Variants in CYYR1 observed in about 807,000 individuals in gnomAD.
CYYR1 encodes cysteine and tyrosine rich 1.
Under a neutral mutation model 15.2 loss-of-function variants are expected in CYYR1, and 14 were observed. The observed-to-expected ratio is 0.92, with a 90% CI of 0.61 to 1.44. CYYR1 has a LOEUF of 1.44. Ranked by LOEUF, CYYR1 falls within the 40% of genes most tolerant of loss-of-function variation. The pLI, the probability that CYYR1 is intolerant of heterozygous loss-of-function variation, is 0.00. For missense variants in CYYR1, 228 were observed against 209.5 expected, an observed-to-expected ratio of 1.09 and a Z score of -0.54; for synonymous variants, 80 against 77.4, an observed-to-expected ratio of 1.03 and a Z score of -0.18.
chr21:26,536,311 T>C (rs1978301229), intron 2 of CYYR1, among the ~76,000 whole-genome samples: 1 of 152,160 alleles, frequency 6.6e-6, no homozygotes, highest in Non-Finnish European at 1.5e-5. Flanking sequence ...TAACTTACTG[T>C]TGAAAGCTAC....
chr21:26,495,616 G>A (rs1243412824), intron 2 of CYYR1, among the ~76,000 whole-genome samples: 9 of 152,168 alleles, frequency 5.9e-5, no homozygotes, highest in Non-Finnish European at 1.3e-4. Flanking sequence ...GGGAGCAAAG[G>A]ATCCTGGGAG....
chr21:26,521,463 T>C (rs996912508), intron 2 of CYYR1, among the ~76,000 whole-genome samples: 1 of 152,270 alleles, frequency 6.6e-6, no homozygotes, highest in Non-Finnish European at 1.5e-5. Context: ...ATAGGTGGTA[T>C]GCTGAATGGA....
chr21:26,572,353 C>T (rs1981059195), intron 1 of CYYR1, among the ~76,000 whole-genome samples: 1 of 152,204 alleles, frequency 6.6e-6, no homozygotes, highest in Admixed American at 6.5e-5. Context: ...TCTAAATCAA[C>T]GAACCTGTAC....
At chr21:26,556,810 G>A (rs749910864) in intron 2 of CYYR1, among the ~76,000 whole-genome samples, 1 of 152,098 alleles carries the variant, frequency 6.6e-6, no homozygotes, top group Non-Finnish European at 1.5e-5. Flanking sequence ...TGAAATTTGG[G>A]TAGAGACACA....
intron 2 of CYYR1, among the ~76,000 whole-genome samples, chr21:26,530,683 A>G (rs1190530971): frequency 2.0e-5 from 3 of 151,126 alleles, no homozygotes; most frequent in African/African-American, 7.3e-5. Flanking sequence ...TCATTGTTCA[A>G]CTCCCACTTA....
At chr21:26,475,052 G>A (rs965674403) in intron 3 of CYYR1, among the ~76,000 whole-genome samples, 1 of 152,122 alleles carries the variant, frequency 6.6e-6, no homozygotes, top group African/African-American at 2.4e-5. Flanking sequence ...GGAGCTTAAT[G>A]TGACTAAAGA....
intron 2 of CYYR1, among the ~76,000 whole-genome samples, chr21:26,518,015 C>A (rs531796785): frequency 2.6e-5 from 4 of 152,172 alleles, no homozygotes; most frequent in Non-Finnish European, 4.4e-5. Context: ...TAACAACGAA[C>A]CTTTGTTTCT....
intron 2 of CYYR1, among the ~76,000 whole-genome samples, chr21:26,560,084 A>G (rs1401616693): frequency 2.0e-5 from 3 of 152,126 alleles, no homozygotes; most frequent in African/African-American, 4.8e-5. Context: ...CCACAATTTG[A>G]TATGTCTCTT....
At chr21:26,531,165 A>G (rs1269750519) in intron 2 of CYYR1, among the ~76,000 whole-genome samples, 1 of 152,200 alleles carries the variant, frequency 6.6e-6, no homozygotes, top group East Asian at 1.9e-4. Context: ...ATAAAAAGAC[A>G]TGGATCACCA....
At chr21:26,511,047 C>T (rs2830267) in intron 2 of CYYR1, among the ~76,000 whole-genome samples, 3,335 of 152,266 alleles carry the variant, frequency 0.022, 49 homozygotes, top group African/African-American at 0.037. Flanking sequence ...CACATTATCC[C>T]TATGGGGAAC....
At chr21:26,507,842 C>T (rs1276883332) in intron 2 of CYYR1, among the ~76,000 whole-genome samples, 1 of 152,208 alleles carries the variant, frequency 6.6e-6, no homozygotes, top group Non-Finnish European at 1.5e-5. Context: ...ATGACATCCT[C>T]CCAATTATGG....
intron 2 of CYYR1, among the ~76,000 whole-genome samples, chr21:26,483,760 T>G (rs1469841927): frequency 1.3e-5 from 2 of 152,100 alleles, no homozygotes; most frequent in Non-Finnish European, 2.9e-5. Flanking sequence ...CATTCTTTGT[T>G]GTGTAAAAGC....
At chr21:26,519,298 T>C (rs754322375) in intron 2 of CYYR1, among the ~76,000 whole-genome samples, 9 of 151,976 alleles carry the variant, frequency 5.9e-5, no homozygotes, top group South Asian at 2.1e-4. Flanking sequence ...TTGTACAAAG[T>C]ATAAAAGAAT....
At position 26,510,909 on chromosome 21, in the gene CYYR1, T is replaced by C. The variant is rs180821279; in HGVS notation, c.177-30480A>G. On this transcript the variant is annotated intron_variant, in intron 2 of 3. Coordinates refer to ENST00000652641, the MANE Select transcript of CYYR1 (RefSeq NM_001320768.2). ...ACTTTTAAATACATTTAATACAAAA[T>C]AGTCAAATATGTGGATTTCTCTATT... 8.8e-4 allele frequency among the ~76,000 whole-genome samples: 134 copies of C among 152,336 alleles called. 1 individual carries two copies. The highest frequency in any genetic ancestry group is 3.4e-3 in the Middle Eastern group (1 of 294).
chr21:26,504,145 C>G (rs982056226), intron 2 of CYYR1, among the ~76,000 whole-genome samples: 1 of 152,072 alleles, frequency 6.6e-6, no homozygotes, highest in African/African-American at 2.4e-5. Context: ...CCAAGTATCT[C>G]ACGATATGAT....
At chr21:26,523,757 C>A (rs977190702) in intron 2 of CYYR1, among the ~76,000 whole-genome samples, 2 of 152,134 alleles carry the variant, frequency 1.3e-5, no homozygotes, top group East Asian at 3.9e-4. Context: ...GACCACTCAA[C>A]CTAATGTAGG....
At chr21:26,491,772 C>T (rs527992094) in intron 2 of CYYR1, among the ~76,000 whole-genome samples, 1 of 152,212 alleles carries the variant, frequency 6.6e-6, no homozygotes, top group African/African-American at 2.4e-5. Flanking sequence ...TGTGGCTCTA[C>T]TGATTGCTTT....
At chr21:26,514,651 C>A (rs1251616119) in intron 2 of CYYR1, among the ~76,000 whole-genome samples, 3 of 152,170 alleles carry the variant, frequency 2.0e-5, no homozygotes, top group Non-Finnish European at 4.4e-5. Flanking sequence ...AGACAGTAGA[C>A]TACAGGAAGA....
At chr21:26,529,774 T>A (rs1379853084) in intron 2 of CYYR1, among the ~76,000 whole-genome samples, 2 of 152,238 alleles carry the variant, frequency 1.3e-5, no homozygotes, top group African/African-American at 4.8e-5. Context: ...TCAATGCTAT[T>A]GGATTTTATC....
Sources: allele counts gnomAD v4.1 joint callset (sites outside exome capture counted in the v4.1 genomes callset), GRCh38; gene constraint gnomAD v4.1.1; transcripts MANE v1.5; gene names NCBI Gene and HGNC (gene_info 2026-07-23, HGNC 2026-07-21).